NRBF2: variants seen among roughly 807,000 people sequenced by gnomAD.
NRBF2 encodes nuclear receptor-binding factor 2.
NRBF2 carries 12 observed loss-of-function variants against 28.5 expected under a neutral mutation model. The observed-to-expected ratio is 0.42, with a 90% CI of 0.27 to 0.68. NRBF2 has a LOEUF of 0.68. Ranked by LOEUF, NRBF2 falls within the 30% of genes least tolerant of loss-of-function variation. The pLI is 0.24. For synonymous variants in NRBF2, 102 were observed against 116.5 expected (o/e 0.88, Z 0.80); for missense variants, 274 against 333.5 (o/e 0.82, Z 1.39).
intron 2 of NRBF2, chr10:63,150,379 CTG>C (rs1841629559): frequency 1.0e-6 from 1 of 981,036 alleles, no homozygotes; most frequent in African/African-American, 1.8e-5. Flanking sequence ...GGAGCAAAGA[CTG>C]TATAACCAAC....
At chr10:63,142,619 T>C (rs1199882783) in intron 1 of NRBF2, among the ~76,000 whole-genome samples, 2 of 152,120 alleles carry the variant, frequency 1.3e-5, no homozygotes, top group Admixed American at 6.6e-5. Context: ...GCATACTAGC[T>C]TTCTTCATCA....
chr10:63,149,056 A>G (rs1841606841), intron 2 of NRBF2, among the ~76,000 whole-genome samples: 1 of 152,242 alleles, frequency 6.6e-6, no homozygotes, highest in Admixed American at 6.5e-5. Flanking sequence ...ATATTGCTGC[A>G]CTTTGTATGC....
intron 1 of NRBF2, among the ~76,000 whole-genome samples, chr10:63,141,327 T>A (rs1425417822): frequency 2.6e-5 from 4 of 152,098 alleles, no homozygotes; most frequent in African/African-American, 7.2e-5. Context: ...TTCCAGCTAC[T>A]CAGGAGGCTG....
In NRBF2 at chr10:63,133,398, T is replaced by C. The variant is rs775613220; in HGVS notation, c.-73T>C. 1 of 1,586,278 alleles carries C rather than the reference T, an allele frequency of 6.3e-7. No individual in the cohort carries two copies. Among genetic ancestry groups the C allele is most frequent in the Non-Finnish European group, 8.6e-7 (1 of 1,161,404 alleles). On this transcript the variant is annotated 5_prime_UTR_variant, in exon 1 of 4. Coordinates refer to ENST00000277746, the MANE Select transcript of NRBF2 (RefSeq NM_030759.5). The stretch of plus-strand genomic sequence containing the variant: ...CGCAGTCTCCGCGGCTGCGTCGAGC[T>C]CCCTTGCAGTCCCCTCCATGTTCCC...
chr10:63,150,419 TA>T lies in NRBF2; in HGVS notation c.116-1728del. 4 of 886,210 alleles carry T rather than the reference TA, an allele frequency of 4.5e-6. No homozygotes were observed. The South Asian group carries it at 1.6e-4, about 35-fold the overall frequency. 54.9% of individuals were successfully genotyped at this position (886,210 alleles called of 1,614,324 possible). ...TGTTTTTTCTTTCCTTTTTTTTTTT[TA>T]AATTCTTTTTAAATTGATACAGGGT... On this transcript the variant is annotated intron_variant, in intron 2 of 3. Transcript: ENST00000277746.
chr10:63,140,207 A>G (rs1841442327), intron 1 of NRBF2, among the ~76,000 whole-genome samples: 1 of 152,186 alleles, frequency 6.6e-6, no homozygotes, highest in African/African-American at 2.4e-5. Context: ...TCAATACCAT[A>G]AGTTTATGTC....
intron 1 of NRBF2, among the ~76,000 whole-genome samples, chr10:63,136,744 T>C (rs1392055775): frequency 6.6e-6 from 1 of 152,246 alleles, no homozygotes; most frequent in African/African-American, 2.4e-5. Context: ...CTCATCTATA[T>C]TGAACTGTAG....
At position 63,153,844 on chromosome 10, in the gene NRBF2, G is replaced by T; in HGVS notation, c.490G>T (p.Asp164Tyr). 1 of 1,612,402 alleles carries T rather than the reference G, an allele frequency of 6.2e-7. No homozygotes were observed. The highest frequency in any genetic ancestry group is 1.7e-5 in the Admixed American group (1 of 59,982). ...PCIGSKAPKD[D>Y]KTIIEEQATK... ...TATTGGAAGCAAAGCCCCAAAAGAT[G>T]ATAAAACAATTATAGAGGAGCAGGC... Residue 164 changes from aspartate (D) to tyrosine (Y), a missense_variant, in exon 4 of 4, where the codon GAT becomes TAT. Coordinates refer to ENST00000277746, the MANE Select transcript of NRBF2 (RefSeq NM_030759.5).
At chr10:63,133,614 T>C in intron 1 of NRBF2, 114 bp downstream of exon 1, 1 of 810,404 alleles carries the variant, frequency 1.2e-6, no homozygotes, top group South Asian at 1.4e-5. Flanking sequence ...TTGGCAGGAG[T>C]GGTCGCAGAG....
In NRBF2 at chr10:63,153,964, G is replaced by T; in HGVS notation, c.610G>T (p.Ala204Ser). ...KENKQLKAEKARLLKGPIEKE... is the reference protein window; with the variant it reads ...KENKQLKAEKSRLLKGPIEKE... Reference sequence around the variant, plus strand: ...AAATAAACAACTAAAGGCTGAAAAGGCCAGACTTCTAAAAGGTCCAATAGA... The same window carrying T: ...AAATAAACAACTAAAGGCTGAAAAGTCCAGACTTCTAAAAGGTCCAATAGA... Residue 204 changes from alanine to serine, a missense_variant, in exon 4 of 4, where the codon GCC becomes TCC. Coordinates refer to ENST00000277746, the MANE Select transcript of NRBF2 (RefSeq NM_030759.5). The T allele has an allele frequency of 1.2e-6, 2 of 1,611,858 alleles. No homozygotes were observed. The highest frequency in any genetic ancestry group is 1.3e-5 in the African/African-American group (1 of 74,938).
In NRBF2 at chr10:63,147,769, C is replaced by T. The variant is rs560660232; in HGVS notation, c.115+1476C>T. 1.2e-3 allele frequency among the ~76,000 whole-genome samples: 181 copies of T among 152,120 alleles called. 1 individual carries two copies. The highest frequency in any genetic ancestry group is 6.4e-3 in the South Asian group (31 of 4,810). Reference sequence around the variant, plus strand: ...TATCCCTCCCCTAGCCTCCCACCCCCGCTTTTTTTAAAAAAGAAATAGTTT... The same window carrying T: ...TATCCCTCCCCTAGCCTCCCACCCCTGCTTTTTTTAAAAAAGAAATAGTTT... On this transcript the variant is annotated intron_variant, in intron 2 of 3. Coordinates refer to ENST00000277746, the MANE Select transcript of NRBF2 (RefSeq NM_030759.5).
intron 1 of NRBF2, among the ~76,000 whole-genome samples, chr10:63,140,712 T>C (rs1038793311): frequency 4.0e-5 from 6 of 151,782 alleles, no homozygotes; most frequent in Non-Finnish European, 4.4e-5. Flanking sequence ...TTACTTTTTT[T>C]TTTTTTGAGA....
rs763603312 is a variant in NRBF2, at chr10:63,135,647, C to CTT, written c.30+2164_30+2165dup. Among the ~76,000 whole-genome samples, 267 of 129,432 alleles carry CTT rather than the reference C, an allele frequency of 2.1e-3. 1 individual carries two copies. The highest frequency in any genetic ancestry group is 6.4e-3 in the African/African-American group (228 of 35,550). 84.9% of individuals were successfully genotyped at this position (129,432 alleles called of 152,430 possible). A position where few individuals can be genotyped will look rare whatever the true frequency, so the allele number is the denominator to read the frequency against. On this transcript the variant is annotated intron_variant, in intron 1 of 3. Transcript: ENST00000277746. ...TATCAGAAATTTGGCATCTTGAATT[C>CTT]TTTTTTTTTTTTTTTTTTGAGATGG...
chr10:63,137,391 A>G (rs548640972), intron 1 of NRBF2, among the ~76,000 whole-genome samples: 2 of 152,342 alleles, frequency 1.3e-5, no homozygotes, highest in South Asian at 4.1e-4. Context: ...AACTCTTGTG[A>G]GATAATTTCT....
intron 1 of NRBF2, among the ~76,000 whole-genome samples, chr10:63,144,777 T>C (rs1273277310): frequency 6.6e-6 from 1 of 152,174 alleles, no homozygotes; most frequent in Admixed American, 6.5e-5. Context: ...CATTTATCCA[T>C]CTATCTGTTG....
chr10:63,153,901 G>C lies in NRBF2; in HGVS notation c.547G>C (p.Glu183Gln). ...AATTGCAGATTTGAAGAGGCATGTG[G>C]AATTCCTTGTGGCTGAGAATGAAAG... ...TKIADLKRHV[E>Q]FLVAENERLR... Residue 183 changes from glutamate to glutamine, a missense_variant, in exon 4 of 4, where the codon GAA becomes CAA. Physicochemically the swap from Glu to Gln is conservative, Grantham distance 29 (BLOSUM62 2). Transcript: ENST00000277746. 1 of 1,611,988 alleles carries C rather than the reference G, an allele frequency of 6.2e-7. No individual in the cohort carries two copies. Among genetic ancestry groups the C allele is most frequent in the Non-Finnish European group, 8.5e-7 (1 of 1,179,808 alleles).
intron 2 of NRBF2, among the ~76,000 whole-genome samples, chr10:63,149,607 T>TCTTTAAAAATAA (rs1173388022): frequency 3.3e-5 from 5 of 152,238 alleles, no homozygotes; most frequent in Non-Finnish European, 7.3e-5. Flanking sequence ...ATAATTTTTT[T>TCTTTAAAAATAA]CTTTAAAAAT....
chr10:63,145,973 G>C (rs1159518402), intron 1 of NRBF2, among the ~76,000 whole-genome samples: 2 of 152,170 alleles, frequency 1.3e-5, no homozygotes, highest in Non-Finnish European at 2.9e-5. Context: ...TTAAGTGCCT[G>C]GTGTTAACCT....
Position 63,133,701 on chromosome 10 carries a change from G to A in NRBF2, c.30+201G>A, listed in dbSNP as rs1044969662. ...CCACTTCAGACTTTGCCCTCCTGGG[G>A]GATCCCCGGGAAGTCCTGGCGCCCC... is the stretch of plus-strand genomic sequence containing the variant. On this transcript the variant is annotated intron_variant, in intron 1 of 3. Transcript: ENST00000277746. 6.5e-4 allele frequency among the ~76,000 whole-genome samples: 99 copies of A among 152,260 alleles called. 1 individual carries two copies. Among genetic ancestry groups the A allele is most frequent in the African/African-American group, 2.2e-3 (93 of 41,566 alleles).
Sources: gnomAD v4.1 joint callset for allele counts (sites outside exome capture counted in the v4.1 genomes callset) on GRCh38, gnomAD v4.1.1 for gene constraint, MANE v1.5 for transcripts, NCBI Gene and HGNC (gene_info 2026-07-23, HGNC 2026-07-21) for gene names.